The following FBXW11 variants were observed in gnomAD, a reference collection of about 807,000 sequenced individuals.
FBXW11 encodes F-box and WD repeat domain containing 11.
In FBXW11, 19 loss-of-function variants were observed where a neutral mutation model predicts 77.6. The observed-to-expected ratio is 0.24, with a 90% CI of 0.17 to 0.36. The LOEUF is 0.36. Ranked by LOEUF, FBXW11 falls within the 10% of genes least tolerant of loss-of-function variation. The pLI is 1.00. For missense variants in FBXW11, 334 were observed against 704.2 expected (o/e 0.47, Z 5.95); for synonymous variants, 235 against 249.4 (o/e 0.94, Z 0.54).
At chr5:171,952,068 G>A (rs941939739) in intron 2 of FBXW11, among the ~76,000 whole-genome samples, 1 of 152,016 alleles carries the variant, frequency 6.6e-6, no homozygotes, top group Non-Finnish European at 1.5e-5. Flanking sequence ...AAGTGAGATC[G>A]AAGTAGGAGG....
At chr5:171,891,350 C>G in intron 7 of FBXW11, 117 bp downstream of exon 7, 1 of 930,870 alleles carries the variant, frequency 1.1e-6, no homozygotes. Context: ...TGAGAGCTGC[C>G]AAGATTGAGT....
chr5:171,910,873 T>C, intron 3 of FBXW11, 76 bp from the exon 4 acceptor site: 1 of 1,066,714 alleles, frequency 9.4e-7, no homozygotes, highest in South Asian at 1.7e-5. Context: ...GAAATATTTT[T>C]CACCCTGTGT....
chr5:171,868,566 T>A, intron 13 of FBXW11, 44 bp downstream of exon 13: 1 of 1,501,698 alleles, frequency 6.7e-7, no homozygotes, highest in Non-Finnish European at 9.0e-7. Context: ...AAAGGGAAGG[T>A]GAATTCAATC....
intron 2 of FBXW11, among the ~76,000 whole-genome samples, chr5:171,945,084 G>A (rs112722221): frequency 6.6e-5 from 10 of 152,228 alleles, no homozygotes; most frequent in East Asian, 1.9e-4. Context: ...AAAGACAACA[G>A]ACAGGAGGAA....
At chr5:171,894,663 T>C (rs554707176) in intron 6 of FBXW11, among the ~76,000 whole-genome samples, 4 of 150,620 alleles carry the variant, frequency 2.7e-5, no homozygotes, top group African/African-American at 9.8e-5. Flanking sequence ...ACCTTGACTC[T>C]TACTTGAATG....
At chr5:171,888,444 C>A (rs190468901) in intron 7 of FBXW11, among the ~76,000 whole-genome samples, 1 of 152,292 alleles carries the variant, frequency 6.6e-6, no homozygotes, top group Admixed American at 6.5e-5. Context: ...ATGACAGACG[C>A]AAAGTGGCAT....
chr5:171,961,069 CTACACAATAGACAT>C (rs1720594029), intron 1 of FBXW11, among the ~76,000 whole-genome samples: 1 of 152,090 alleles, frequency 6.6e-6, no homozygotes, highest in African/African-American at 2.4e-5. Context: ...TACAATAATC[CTACACAATAGACAT>C]TACTTTCCCC....
At chr5:171,987,452 TG>T (rs201675161) in intron 1 of FBXW11, among the ~76,000 whole-genome samples, 1 of 152,046 alleles carries the variant, frequency 6.6e-6, no homozygotes, top group Middle Eastern at 3.4e-3. Context: ...GGGTTTTTTT[TG>T]TTTGTTTGTT....
intron 2 of FBXW11, among the ~76,000 whole-genome samples, chr5:171,921,549 T>C (rs1363817116): frequency 6.6e-6 from 1 of 152,098 alleles, no homozygotes; most frequent in Non-Finnish European, 1.5e-5. Flanking sequence ...AAGCAGAATG[T>C]TTTAATAAAA....
chr5:171,870,478 C>A (rs141084799), intron 11 of FBXW11, among the ~76,000 whole-genome samples: 27 of 152,174 alleles, frequency 1.8e-4, no homozygotes, highest in Non-Finnish European at 3.7e-4. Context: ...CTATTGAAAC[C>A]TAAGCTATTG....
At chr5:171,993,649 C>A (rs1472879045) in intron 1 of FBXW11, among the ~76,000 whole-genome samples, 1 of 152,028 alleles carries the variant, frequency 6.6e-6, no homozygotes, top group African/African-American at 2.4e-5. Flanking sequence ...CTAATCATGC[C>A]AACACACATA....
chr5:171,989,188 T>C (rs886668016), intron 1 of FBXW11, among the ~76,000 whole-genome samples: 2 of 152,046 alleles, frequency 1.3e-5, no homozygotes, highest in South Asian at 2.1e-4. Flanking sequence ...AATAATAAAA[T>C]AAAAAATCTA....
At chr5:171,922,809 T>A (rs996845522) in intron 2 of FBXW11, among the ~76,000 whole-genome samples, 1 of 152,354 alleles carries the variant, frequency 6.6e-6, no homozygotes, top group East Asian at 1.9e-4. Flanking sequence ...TTCATTGTTA[T>A]TGACATTATA....
chr5:171,872,741 A>G, intron 10 of FBXW11, 131 bp downstream of exon 10: 1 of 696,014 alleles, frequency 1.4e-6, no homozygotes, highest in South Asian at 1.7e-5. Flanking sequence ...TACATTTCTA[A>G]AAGTTACCTA....
rs1315371593 is a variant in FBXW11 at position 171,945,767 on chromosome 5, T to C, written c.147+11830A>G. 5.3e-5 allele frequency among the ~76,000 whole-genome samples: 8 copies of C among 152,248 alleles called. No individual in the cohort carries two copies. The East Asian group carries it at 5.8e-4, about 11-fold the overall frequency. Reference sequence around the variant, plus strand: ...CCGCTGACTAAATTCTTGTTAGATATTGATGCTATAAATGATACTGGCTTA... The same window carrying C: ...CCGCTGACTAAATTCTTGTTAGATACTGATGCTATAAATGATACTGGCTTA... On this transcript the variant is annotated intron_variant, in intron 2 of 13. Coordinates refer to ENST00000517395, the MANE Select transcript of FBXW11 (RefSeq NM_001378974.1).
chr5:171,995,479 C>T (rs188712074), intron 1 of FBXW11, among the ~76,000 whole-genome samples: 60 of 152,200 alleles, frequency 3.9e-4, no homozygotes, highest in African/African-American at 1.3e-3. Context: ...ATGGGCCAGG[C>T]GTGATGGCTC....
intron 1 of FBXW11, among the ~76,000 whole-genome samples, chr5:171,990,632 T>C (rs57757384): frequency 0.016 from 2,423 of 152,278 alleles, 51 homozygotes; most frequent in African/African-American, 0.055. Flanking sequence ...TAAATCAGCA[T>C]GTATCTTTTA....
intron 7 of FBXW11, among the ~76,000 whole-genome samples, chr5:171,883,583 G>GT (rs1217074254): frequency 3.9e-5 from 6 of 152,192 alleles, no homozygotes; most frequent in Admixed American, 2.6e-4. Context: ...AGCTGTACTA[G>GT]TTTACATTCC....
At chr5:171,879,658 A>G (rs1197972220) in intron 7 of FBXW11, among the ~76,000 whole-genome samples, 2 of 152,218 alleles carry the variant, frequency 1.3e-5, no homozygotes, top group African/African-American at 4.8e-5. Context: ...GGTGTGTAGT[A>G]GTGTCTCACT....
Sources: allele counts gnomAD v4.1 joint callset (sites outside exome capture counted in the v4.1 genomes callset), GRCh38; gene constraint gnomAD v4.1.1; transcripts MANE v1.5; gene names NCBI Gene and HGNC (gene_info 2026-07-23, HGNC 2026-07-21).